The following THOC1 variants were observed in gnomAD, a reference collection of about 807,000 sequenced individuals.
THOC1 encodes the protein THO complex 1.
THOC1 carries 29 observed loss-of-function variants against 97.3 expected under a neutral mutation model. That is an observed-to-expected ratio of 0.30 (90% CI 0.22 to 0.41). The LOEUF is 0.41. THOC1 is among the 10% of genes least tolerant of loss of function. The pLI is 1.00. For synonymous variants in THOC1, 255 were observed against 257.0 expected (o/e 0.99, Z 0.07); for missense variants, 529 against 761.9 (o/e 0.69, Z 3.60).
chr18:220,424 C>T (rs1911037545), intron 17 of THOC1, among the ~76,000 whole-genome samples: 1 of 149,148 alleles, frequency 6.7e-6, no homozygotes, highest in Non-Finnish European at 1.5e-5. Flanking sequence ...CAATGATTCT[C>T]AAACTTAGTT....
chr18:229,984 C>G (rs1257280507), intron 11 of THOC1, among the ~76,000 whole-genome samples: 1 of 152,208 alleles, frequency 6.6e-6, no homozygotes, highest in Non-Finnish European at 1.5e-5. Context: ...AAACTGGTAA[C>G]TCCTACAACT....
intron 11 of THOC1, among the ~76,000 whole-genome samples, chr18:234,452 ATTCCT>A (rs1447534421): frequency 2.0e-5 from 3 of 152,200 alleles, no homozygotes; most frequent in Non-Finnish European, 2.9e-5. Context: ...CTCAGAGAAC[ATTCCT>A]TTCTACTTTT....
intron 11 of THOC1, among the ~76,000 whole-genome samples, chr18:234,773 T>A: frequency 6.6e-6 from 1 of 151,776 alleles, no homozygotes; most frequent in South Asian, 2.1e-4. Context: ...TTTAAAAAAA[T>A]TACTTAATTT....
chr18:218,967 T>A lies in THOC1; in HGVS notation c.1373A>T (p.Glu458Val). Residue 458 changes from glutamate to valine, a missense_variant and splice_region_variant, in exon 18 of 21, where the codon GAA becomes GTA. Transcript: ENST00000261600. ...NMEACKSETR[E>V]HMPTLEEFFE... ...GAATTCCTCCAAAGTGGGCATGTGT[T>A]CCCTGAGCGGTACAAAAATAACCAG... The A allele has an allele frequency of 6.3e-7, 1 of 1,598,308 alleles. No homozygotes were observed. Among genetic ancestry groups the A allele is most frequent in the Non-Finnish European group, 8.5e-7 (1 of 1,171,410 alleles).
At chr18:217,745 G>A (rs1291988039) in intron 18 of THOC1, among the ~76,000 whole-genome samples, 3 of 152,154 alleles carry the variant, frequency 2.0e-5, no homozygotes, top group African/African-American at 7.2e-5. Context: ...GACCAGGGAG[G>A]GGAAGAGCTT....
Position 215,472 on chromosome 18 carries a change from A to G in THOC1, c.1635T>C (p.Asp545=). The stretch of plus-strand genomic sequence containing the variant: ...GAGCATCATTATCTTCCTCATCTTC[A>G]TCCTCACCTGTTTTTATTTCTTCAG... ...PPSEEIKTGE[D]EDEEDNDALL... is the part of the protein sequence containing the mutation. The change falls in exon 20 of 21, where the codon GAT becomes GAC. Residue 545 remains aspartate (D), a synonymous_variant. Transcript: ENST00000261600. 4 of 1,613,650 alleles carry G rather than the reference A, an allele frequency of 2.5e-6. No individual in the cohort carries two copies. Among genetic ancestry groups the G allele is most frequent in the Non-Finnish European group, 3.4e-6 (4 of 1,179,684 alleles).
intron 4 of THOC1, among the ~76,000 whole-genome samples, chr18:261,554 C>A (rs972977738): frequency 1.3e-5 from 2 of 152,184 alleles, no homozygotes; most frequent in Non-Finnish European, 2.9e-5. Context: ...GTGAGCTCCA[C>A]TAATGAGCAT....
chr18:216,286 A>G (rs1208147818), intron 19 of THOC1, 200 bp downstream of exon 19: 2 of 620,064 alleles, frequency 3.2e-6, no homozygotes, highest in African/African-American at 1.8e-5. Flanking sequence ...CTGTACAGAA[A>G]ATTATCAGTT....
chr18:266,666 T>C (rs1912779634), intron 1 of THOC1, among the ~76,000 whole-genome samples: 2 of 151,778 alleles, frequency 1.3e-5, no homozygotes, highest in African/African-American at 4.8e-5. Flanking sequence ...GCCTCCCAAG[T>C]AGATGGGATT....
chr18:252,449 T>C, intron 9 of THOC1, 90 bp downstream of exon 9: 1 of 966,828 alleles, frequency 1.0e-6, no homozygotes, highest in East Asian at 2.4e-5. Context: ...ATTTCTTTCC[T>C]CCTTGTCTAT....
chr18:241,190 G>GGTTA (rs779211256), intron 11 of THOC1, among the ~76,000 whole-genome samples: 5 of 152,086 alleles, frequency 3.3e-5, no homozygotes, highest in Non-Finnish European at 7.4e-5. Flanking sequence ...GTAGCATAGT[G>GGTTA]GTTAGCCTGC....
chr18:266,235 TCA>T (rs1196255016), intron 1 of THOC1, among the ~76,000 whole-genome samples: 3 of 152,332 alleles, frequency 2.0e-5, no homozygotes, highest in African/African-American at 7.2e-5. Flanking sequence ...TCTTATTACC[TCA>T]CAGGAATTAG....
intron 9 of THOC1, 95 bp from the exon 10 acceptor site, chr18:248,052 G>C: frequency 1.3e-6 from 1 of 785,418 alleles, no homozygotes; most frequent in Non-Finnish European, 2.0e-6. Context: ...ACCGTTTTCA[G>C]AAGCTAATGA....
chr18:268,011 C>G lies in THOC1; in HGVS notation c.9G>C (p.Pro3=), dbSNP rs546966467. The stretch of plus-strand genomic sequence containing the variant: ...CGGGCAAACTGAAGAGCGGCGGCGT[C>G]GGAGACATCTTCTCGGCTGCGCGTG... MS[P]TPPLFSLPEA... The change falls in exon 1 of 21, where the codon CCG becomes CCC. Residue 3 remains proline (P), a synonymous_variant. Coordinates refer to ENST00000261600, the MANE Select transcript of THOC1 (RefSeq NM_005131.3). 1.2e-6 allele frequency: 2 copies of G among 1,605,706 alleles called. No individual in the cohort carries two copies. The highest frequency in any genetic ancestry group is 1.7e-6 in the Non-Finnish European group (2 of 1,176,468).
At chr18:251,015 G>A (rs1043965649) in intron 9 of THOC1, among the ~76,000 whole-genome samples, 2 of 151,918 alleles carry the variant, frequency 1.3e-5, no homozygotes, top group Non-Finnish European at 2.9e-5. Context: ...AAATAATAAC[G>A]ATAACAAATA....
At chr18:231,275 T>G (rs1276671776) in intron 11 of THOC1, among the ~76,000 whole-genome samples, 3 of 152,182 alleles carry the variant, frequency 2.0e-5, no homozygotes, top group Non-Finnish European at 4.4e-5. Flanking sequence ...ATGGCACATC[T>G]TAGCTCAGGC....
At chr18:233,279 T>C (rs889949528) in intron 11 of THOC1, among the ~76,000 whole-genome samples, 26 of 152,220 alleles carry the variant, frequency 1.7e-4, no homozygotes, top group South Asian at 1.0e-3. Context: ...GATAATGAAT[T>C]GTCCAAGCAA....
intron 18 of THOC1, among the ~76,000 whole-genome samples, chr18:217,317 T>C (rs1910927008): frequency 6.6e-6 from 1 of 152,230 alleles, no homozygotes; most frequent in Non-Finnish European, 1.5e-5. Flanking sequence ...CTGTGAGGCT[T>C]TGCCTAAACA....
Position 225,421 on chromosome 18 carries a change from G to C in THOC1, c.1020-18C>G. 6.2e-7 allele frequency: 1 copy of C among 1,608,006 alleles called. No individual in the cohort carries two copies. Among genetic ancestry groups the C allele is most frequent in the South Asian group, 1.1e-5 (1 of 90,448 alleles). The stretch of plus-strand genomic sequence containing the variant: ...AGTTTGAACTAGGGAACAAAGCAAT[G>C]AAAGCATGCTTGAGTTACAGCAATG... On this transcript the variant is annotated intron_variant, in intron 12 of 20. Coordinates refer to ENST00000261600, the MANE Select transcript of THOC1 (RefSeq NM_005131.3).
Sources: gnomAD v4.1 joint callset for allele counts (sites outside exome capture counted in the v4.1 genomes callset) on GRCh38, gnomAD v4.1.1 for gene constraint, MANE v1.5 for transcripts, NCBI Gene and HGNC (gene_info 2026-07-23, HGNC 2026-07-21) for gene names.